HYCC1: variants seen among roughly 807,000 people sequenced by gnomAD.
HYCC1 encodes the protein hyccin PI4KA lipid kinase complex subunit 1.
the HYCC1 span, among the ~76,000 whole-genome samples, chr7:22,897,874 T>C: frequency 6.6e-6 from 1 of 152,226 alleles, no homozygotes; most frequent in African/African-American, 2.4e-5. Context: ...GCTCAAGTGA[T>C]TCACCCAACT....
chr7:22,916,645 T>G, the HYCC1 span, among the ~76,000 whole-genome samples: 29 of 152,330 alleles, frequency 1.9e-4, no homozygotes, highest in African/African-American at 6.5e-4. Context: ...CCACCTGATA[T>G]TCACTCCATT....
At chr7:23,009,912 T>C in the HYCC1 span, among the ~76,000 whole-genome samples, 37 of 152,178 alleles carry the variant, frequency 2.4e-4, no homozygotes, top group Admixed American at 1.2e-3. Flanking sequence ...GCAGCCTAAC[T>C]CTGAGAAGGG....
chr7:22,978,504 C>A, the HYCC1 span: 15 of 1,371,470 alleles, frequency 1.1e-5, no homozygotes, highest in African/African-American at 1.4e-5. Flanking sequence ...AATGGAACTA[C>A]TATATGAAGT....
chr7:22,991,151 C>T, the HYCC1 span: 34 of 1,538,046 alleles, frequency 2.2e-5, no homozygotes, highest in Non-Finnish European at 3.0e-5. Flanking sequence ...TGAAAATTAA[C>T]ATAGAAAAAT....
chr7:22,978,177 A>C, the HYCC1 span: 1 of 1,220,206 alleles, frequency 8.2e-7, no homozygotes, highest in Non-Finnish European at 1.2e-6. Context: ...ATGAAAAAAC[A>C]AACACTAGCT....
At chr7:22,976,370 G>A in the HYCC1 span, 1 of 1,095,978 alleles carries the variant, frequency 9.1e-7, no homozygotes, top group Non-Finnish European at 1.4e-6. Flanking sequence ...TATAATAGGG[G>A]AGAGAGCACT....
the HYCC1 span, among the ~76,000 whole-genome samples, chr7:23,012,764 T>C: frequency 1.3e-5 from 2 of 152,140 alleles, no homozygotes; most frequent in Non-Finnish European, 2.9e-5. Flanking sequence ...AATGTTTTCA[T>C]GGAAAACAAG....
the HYCC1 span, among the ~76,000 whole-genome samples, chr7:22,968,544 G>C: frequency 2.0e-5 from 3 of 152,182 alleles, no homozygotes; most frequent in African/African-American, 7.2e-5. Flanking sequence ...TACAACCAAA[G>C]CAATATTTAA....
At chr7:22,980,027 C>T in the HYCC1 span, among the ~76,000 whole-genome samples, 1 of 152,126 alleles carries the variant, frequency 6.6e-6, no homozygotes, top group Non-Finnish European at 1.5e-5. Context: ...ACACTTTCCA[C>T]AGAAGGAAAC....
At chr7:22,965,027 G>A in the HYCC1 span, among the ~76,000 whole-genome samples, 15 of 151,706 alleles carry the variant, frequency 9.9e-5, no homozygotes, top group African/African-American at 3.4e-4. Flanking sequence ...CCAGCTACTA[G>A]GGAGGCTGAG....
At chr7:22,896,203 C>T in the HYCC1 span, among the ~76,000 whole-genome samples, 3 of 152,106 alleles carry the variant, frequency 2.0e-5, no homozygotes, top group Admixed American at 6.6e-5. Flanking sequence ...AAGCTAGGCT[C>T]CCTGAGAGTT....
chr7:22,982,553 T>TA, the HYCC1 span, among the ~76,000 whole-genome samples: 2 of 152,168 alleles, frequency 1.3e-5, no homozygotes, highest in East Asian at 1.9e-4. Context: ...AATCTGCTGT[T>TA]AGAGTCTATC....
At chr7:23,000,074 T>C in the HYCC1 span, among the ~76,000 whole-genome samples, 1 of 151,936 alleles carries the variant, frequency 6.6e-6, no homozygotes, top group Non-Finnish European at 1.5e-5. Flanking sequence ...AAAACCGATC[T>C]CCCATCCCTG....
chr7:22,925,003 G>A, the HYCC1 span, among the ~76,000 whole-genome samples: 1 of 152,160 alleles, frequency 6.6e-6, no homozygotes, highest in African/African-American at 2.4e-5. Flanking sequence ...GAACAATCAG[G>A]CAGCAGCATT....
chr7:22,995,238 T>C, the HYCC1 span, among the ~76,000 whole-genome samples: 1 of 152,102 alleles, frequency 6.6e-6, no homozygotes, highest in Non-Finnish European at 1.5e-5. Context: ...CCATCATCTA[T>C]CAATCAATCC....
chr7:22,961,957 G>A, the HYCC1 span, among the ~76,000 whole-genome samples: 1 of 152,018 alleles, frequency 6.6e-6, no homozygotes, highest in Non-Finnish European at 1.5e-5. Context: ...AATGAACAGG[G>A]ATATAGTGGC....
chr7:22,943,068 C>T, the HYCC1 span: 25 of 152,166 alleles, frequency 1.6e-4, no homozygotes, highest in African/African-American at 6.0e-4. Flanking sequence ...AAAAGGGTGG[C>T]ACCCCTTTTC....
At chr7:23,012,368 G>A in the HYCC1 span, among the ~76,000 whole-genome samples, 4 of 152,198 alleles carry the variant, frequency 2.6e-5, no homozygotes, top group Admixed American at 6.5e-5. Flanking sequence ...CGCTGACCCA[G>A]CTAATGCCTT....
chr7:22,918,352 A>G, the HYCC1 span, among the ~76,000 whole-genome samples: 1 of 152,200 alleles, frequency 6.6e-6, no homozygotes, highest in East Asian at 1.9e-4. Context: ...TAACAACCCC[A>G]CAATATCATC....
Sources: gnomAD v4.1 joint callset for allele counts (sites outside exome capture counted in the v4.1 genomes callset) on GRCh38, gnomAD v4.1.1 for gene constraint, MANE v1.5 for transcripts, NCBI Gene and HGNC (gene_info 2026-07-23, HGNC 2026-07-21) for gene names.